DDX60L: variants seen among roughly 807,000 people sequenced by gnomAD.
The protein encoded by DDX60L is DExD/H-box 60 like, also known as probable ATP-dependent RNA helicase DDX60-like.
Under a neutral mutation model 211.6 loss-of-function variants are expected in DDX60L, and 191 were observed. That is an observed-to-expected ratio of 0.90 (90% CI 0.80 to 1.02). The LOEUF is 1.02. DDX60L is among the 50% of genes least tolerant of loss of function. DDX60L has a pLI of 0.00. For missense variants in DDX60L, 2,007 were observed against 1,984.1 expected (o/e 1.01, Z -0.22); for synonymous variants, 706 against 694.1 (o/e 1.02, Z -0.27).
intron 30 of DDX60L, chr4:168,380,676 G>A (rs1008713691): frequency 3.9e-5 from 6 of 152,124 alleles, no homozygotes; most frequent in African/African-American, 1.4e-4. Flanking sequence ...TGAGGAGTGG[G>A]GCACTGCTAT....
intron 30 of DDX60L, among the ~76,000 whole-genome samples, chr4:168,382,581 C>A (rs1743154554): frequency 6.6e-6 from 1 of 152,076 alleles, no homozygotes; most frequent in Non-Finnish European, 1.5e-5. Context: ...TTCAATCTTT[C>A]ATTTCACTTA....
chr4:168,373,231 C>A (rs753002689), intron 35 of DDX60L, among the ~76,000 whole-genome samples: 35 of 152,066 alleles, frequency 2.3e-4, no homozygotes, highest in African/African-American at 7.0e-4. Flanking sequence ...AATCTAAAAT[C>A]TTCCAGCACC....
chr4:168,369,126 T>C (rs1178006770), intron 36 of DDX60L, among the ~76,000 whole-genome samples: 2 of 152,112 alleles, frequency 1.3e-5, no homozygotes, highest in African/African-American at 4.8e-5. Context: ...CAGAATGATA[T>C]AGTTTGCCTG....
intron 36 of DDX60L, 197 bp from the exon 37 acceptor site, chr4:168,361,408 A>G (rs1739093235): frequency 2.2e-6 from 1 of 462,890 alleles, no homozygotes; most frequent in Non-Finnish European, 3.9e-6. Context: ...TTAAAGAGAT[A>G]ATTTGACCAT....
chr4:168,429,855 T>A (rs994943971), intron 13 of DDX60L, among the ~76,000 whole-genome samples: 2 of 152,170 alleles, frequency 1.3e-5, no homozygotes, highest in Admixed American at 1.3e-4. Context: ...TTCCTCCTAC[T>A]CCAGTCATGT....
At chr4:168,420,654 TA>T (rs1750432546) in intron 17 of DDX60L, among the ~76,000 whole-genome samples, 2 of 114,756 alleles carry the variant, frequency 1.7e-5, no homozygotes, top group Non-Finnish European at 3.6e-5. Context: ...GATAGATAGA[TA>T]GATAGATAGA....
intron 9 of DDX60L, among the ~76,000 whole-genome samples, chr4:168,441,897 T>C (rs1753900069): frequency 6.6e-6 from 1 of 152,102 alleles, no homozygotes; most frequent in Non-Finnish European, 1.5e-5. Flanking sequence ...TATATAATTA[T>C]TCCCAAAAAT....
chr4:168,474,607 A>C (rs1759236048), intron 1 of DDX60L, among the ~76,000 whole-genome samples: 1 of 152,148 alleles, frequency 6.6e-6, no homozygotes. Flanking sequence ...ACAAGAAAGC[A>C]CTCTTGAAAA....
intron 22 of DDX60L, among the ~76,000 whole-genome samples, chr4:168,409,322 A>G (rs564390978): frequency 3.3e-5 from 5 of 152,354 alleles, no homozygotes; most frequent in African/African-American, 1.2e-4. Context: ...ACGAAGGCAC[A>G]TGGCCAAAAT....
At chr4:168,478,106 A>G (rs937321664) in intron 1 of DDX60L, among the ~76,000 whole-genome samples, 2 of 151,944 alleles carry the variant, frequency 1.3e-5, no homozygotes, top group African/African-American at 4.8e-5. Context: ...AGGGGAGGGG[A>G]AAAGAGGAGA....
rs1025550336 is a variant in DDX60L at position 168,404,149 on chromosome 4, T to C, written c.3214-43A>G. The C allele has an allele frequency of 2.9e-5, 33 of 1,127,392 alleles. No individual in the cohort carries two copies. In the Middle Eastern group the frequency reaches 9.7e-4, roughly 33 times the overall value. 69.8% of individuals were successfully genotyped at this position (1,127,392 alleles called of 1,614,324 possible). ...AATTATTTAAAAAAAAAAAAAGAATTTGTGGAAACAGAAGAAAGAAAGGAA... is the reference window on the plus strand; with the variant it reads ...AATTATTTAAAAAAAAAAAAAGAATCTGTGGAAACAGAAGAAAGAAAGGAA... On this transcript the variant is annotated intron_variant, in intron 24 of 37. Transcript: ENST00000682922.
chr4:168,405,989 T>C lies in DDX60L; in HGVS notation c.3174A>G (p.Ala1058=), dbSNP rs375100081. The stretch of plus-strand genomic sequence containing the variant: ...CATTTTTAATCCAATTTGTCAATTC[T>C]GCCTTTAAGTTTTCTTCATATTTTC... ...DARKYEENLK[A]ELTNWIKNGQ... The change falls in exon 24 of 38, where the codon GCA becomes GCG. Residue 1058 remains alanine (A), a synonymous_variant. Transcript: ENST00000682922. The C allele has an allele frequency of 2.8e-4, 454 of 1,596,186 alleles. 2 individuals carry two copies. The highest frequency in any genetic ancestry group is 1.1e-3 in the South Asian group (93 of 86,954).
chr4:168,403,920 A>T, intron 25 of DDX60L, 62 bp downstream of exon 25: 1 of 1,133,790 alleles, frequency 8.8e-7, no homozygotes, highest in Non-Finnish European at 1.2e-6. Flanking sequence ...ACTAATTGAA[A>T]ACAAAACCAA....
At chr4:168,478,585 G>T (rs1215016121) in intron 1 of DDX60L, among the ~76,000 whole-genome samples, 1 of 152,032 alleles carries the variant, frequency 6.6e-6, no homozygotes, top group African/African-American at 2.4e-5. Context: ...CCTGCAGCAG[G>T]GAAAACCACA....
intron 10 of DDX60L, among the ~76,000 whole-genome samples, chr4:168,439,258 G>A (rs957283905): frequency 6.6e-6 from 1 of 152,062 alleles, no homozygotes; most frequent in Admixed American, 6.6e-5. Flanking sequence ...TGTTGTAAAG[G>A]TATTTGTAGA....
chr4:168,438,267 T>C (rs538231805), intron 10 of DDX60L, among the ~76,000 whole-genome samples: 1 of 152,338 alleles, frequency 6.6e-6, no homozygotes, highest in South Asian at 2.1e-4. Context: ...CTTCAAGATA[T>C]CCTGCCTTTT....
chr4:168,400,709 C>T, intron 26 of DDX60L, 117 bp downstream of exon 26: 1 of 872,916 alleles, frequency 1.1e-6, no homozygotes, highest in Admixed American at 3.0e-5. Context: ...TTTGCAAAAA[C>T]TGTGAAGCAA....
At chr4:168,453,876 T>A (rs923994245) in intron 7 of DDX60L, among the ~76,000 whole-genome samples, 11 of 152,348 alleles carry the variant, frequency 7.2e-5, no homozygotes, top group South Asian at 2.1e-4. Context: ...TTCATTTTTT[T>A]AAATTAGAAC....
chr4:168,384,897 A>T (rs544178076), intron 29 of DDX60L, 85 bp from the exon 30 acceptor site: 2 of 1,323,532 alleles, frequency 1.5e-6, no homozygotes, highest in East Asian at 2.5e-5. Flanking sequence ...TACACTTGTT[A>T]TCCGGGATTG....
Sources: gnomAD v4.1 joint callset for allele counts (sites outside exome capture counted in the v4.1 genomes callset) on GRCh38, gnomAD v4.1.1 for gene constraint, MANE v1.5 for transcripts, NCBI Gene and HGNC (gene_info 2026-07-23, HGNC 2026-07-21) for gene names.